Variants in EYA2 observed in about 807,000 individuals in gnomAD.
EYA2 encodes EYA transcriptional coactivator and phosphatase 2, also known as protein phosphatase EYA2.
EYA2 carries 31 observed loss-of-function variants against 69.2 expected under a neutral mutation model. The ratio of observed to expected loss-of-function variants is 0.45; its 90% CI spans 0.34 to 0.60. The LOEUF is 0.60. Ranked by LOEUF, EYA2 falls within the 20% of genes least tolerant of loss-of-function variation. The probability of loss-of-function intolerance (pLI) is 0.02; values close to 1 mark genes in which losing one functional copy is unlikely to be tolerated. For synonymous variants in EYA2, 257 were observed against 279.4 expected, an observed-to-expected ratio of 0.92 and a Z score of 0.80; for missense variants, 622 against 701.2, an observed-to-expected ratio of 0.89 and a Z score of 1.28.
chr20:46,957,036 TG>T (rs1346005005), intron 1 of EYA2, among the ~76,000 whole-genome samples: 2 of 152,154 alleles, frequency 1.3e-5, no homozygotes, highest in African/African-American at 2.4e-5. Flanking sequence ...GAGATTTGGG[TG>T]GGGACACAGA....
intron 1 of EYA2, among the ~76,000 whole-genome samples, chr20:46,913,090 C>T (rs930601836): frequency 2.6e-5 from 4 of 152,224 alleles, no homozygotes; most frequent in African/African-American, 7.2e-5. Context: ...GTAGCCTCTG[C>T]CACTTACAGT....
intron 2 of EYA2, among the ~76,000 whole-genome samples, chr20:46,993,933 C>A (rs902353553): frequency 3.3e-5 from 5 of 152,094 alleles, no homozygotes; most frequent in African/African-American, 7.2e-5. Flanking sequence ...GCAGTGTGCT[C>A]AAAAAACTTT....
chr20:47,158,115 A>G (rs920471043), intron 10 of EYA2, among the ~76,000 whole-genome samples: 2 of 151,998 alleles, frequency 1.3e-5, no homozygotes, highest in Non-Finnish European at 2.9e-5. Context: ...ACTGGTGAAA[A>G]GAGGGGTCTG....
chr20:47,114,495 A>G (rs2032838925), intron 9 of EYA2, among the ~76,000 whole-genome samples: 1 of 152,172 alleles, frequency 6.6e-6, no homozygotes, highest in South Asian at 2.1e-4. Flanking sequence ...TGCGCCTGTA[A>G]TCCCAGCTAC....
In EYA2 at chr20:47,016,313, TG is replaced by T; in HGVS notation, c.415+18del. On this transcript the variant is annotated intron_variant, in intron 5 of 15. Transcript: ENST00000327619. Reference sequence around the variant, plus strand: ...CAGATGCACGGTCAGTGTGGCGCTGTGGCCCCTTCCTGCCCATCTCTAAGGA... The same window carrying T: ...CAGATGCACGGTCAGTGTGGCGCTGTGCCCCTTCCTGCCCATCTCTAAGGA... 1 of 1,598,066 alleles carries T rather than the reference TG, an allele frequency of 6.3e-7. No homozygotes were observed. The highest frequency in any genetic ancestry group is 8.6e-7 in the Non-Finnish European group (1 of 1,165,310).
intron 8 of EYA2, chr20:47,095,922 G>C (rs1446065669): frequency 6.6e-6 from 1 of 152,230 alleles, no homozygotes; most frequent in Admixed American, 6.5e-5. Context: ...ATGAAGGGAA[G>C]TCTGCAGCAA....
At chr20:47,047,273 C>T (rs2030089311) in intron 5 of EYA2, among the ~76,000 whole-genome samples, 1 of 152,134 alleles carries the variant, frequency 6.6e-6, no homozygotes, top group Non-Finnish European at 1.5e-5. Flanking sequence ...TCTGAGACTC[C>T]TAGGCGAGGG....
Position 47,087,466 on chromosome 20 carries a change from C to G in EYA2, c.662-1773C>G, listed in dbSNP as rs138525040. Reference sequence around the variant, plus strand: ...ACAAGGACAGGTCCAAATTTTAGTTCTGGCTTTGCCACTCATTTGCAGACT... The same window carrying G: ...ACAAGGACAGGTCCAAATTTTAGTTGTGGCTTTGCCACTCATTTGCAGACT... On this transcript the variant is annotated intron_variant, in intron 7 of 15. Transcript: ENST00000327619. Among the ~76,000 whole-genome samples the G allele has an allele frequency of 1.4e-3, 213 of 152,356 alleles. 2 individuals are homozygous for G. The highest frequency in any genetic ancestry group is 2.8e-3 in the Non-Finnish European group (190 of 68,030).
At chr20:47,137,420 G>T (rs898823882) in intron 9 of EYA2, among the ~76,000 whole-genome samples, 2 of 152,184 alleles carry the variant, frequency 1.3e-5, no homozygotes, top group African/African-American at 4.8e-5. Context: ...GCTTCCACAC[G>T]TGCTGTCTGA....
chr20:46,947,151 G>T (rs1978508922), intron 1 of EYA2, among the ~76,000 whole-genome samples: 1 of 152,170 alleles, frequency 6.6e-6, no homozygotes, highest in East Asian at 1.9e-4. Context: ...TTGAGGAATG[G>T]CTGGCTGAGA....
At chr20:47,114,659 TGAGA>T (rs1292268753) in intron 9 of EYA2, among the ~76,000 whole-genome samples, 1 of 152,168 alleles carries the variant, frequency 6.6e-6, no homozygotes, top group Non-Finnish European at 1.5e-5. Context: ...TCAAAGACAC[TGAGA>T]GAGTTTGGAT....
intron 5 of EYA2, among the ~76,000 whole-genome samples, chr20:47,052,994 G>A (rs1438972981): frequency 1.3e-5 from 2 of 152,078 alleles, no homozygotes; most frequent in Admixed American, 6.6e-5. Context: ...TCCCCTATGT[G>A]GTCCTGGAAG....
chr20:46,984,658 T>C (rs1981067491), intron 1 of EYA2, among the ~76,000 whole-genome samples: 1 of 152,226 alleles, frequency 6.6e-6, no homozygotes, highest in Admixed American at 6.5e-5. Flanking sequence ...ACAGGAGTTA[T>C]GAAGAACAGT....
At chr20:47,071,972 G>C in intron 5 of EYA2, 4 of 588,420 alleles carry the variant, frequency 6.8e-6, no homozygotes, top group Non-Finnish European at 1.2e-5. Flanking sequence ...GGTGATGCTG[G>C]TGGTAGGCGT....
At chr20:46,948,950 T>C (rs1401589196) in intron 1 of EYA2, among the ~76,000 whole-genome samples, 1 of 152,234 alleles carries the variant, frequency 6.6e-6, no homozygotes, top group Admixed American at 6.5e-5. Context: ...GGAAAATACA[T>C]GCACTATCTC....
chr20:46,943,867 C>T (rs1323902070), intron 1 of EYA2, among the ~76,000 whole-genome samples: 1 of 152,164 alleles, frequency 6.6e-6, no homozygotes, highest in African/African-American at 2.4e-5. Context: ...TGGCTTGAAA[C>T]CCTTTGCACA....
chr20:46,966,072 G>A (rs6066138), intron 1 of EYA2, among the ~76,000 whole-genome samples: 33,018 of 152,172 alleles, frequency 0.22, 3,899 homozygotes, highest in Non-Finnish European at 0.27. Context: ...TTAAAATGCA[G>A]CATGAGTATA....
intron 2 of EYA2, among the ~76,000 whole-genome samples, chr20:46,992,291 G>A (rs957805051): frequency 3.9e-5 from 6 of 152,098 alleles, no homozygotes; most frequent in African/African-American, 7.2e-5. Flanking sequence ...TTTTACAGAC[G>A]AGGAAACCAA....
At chr20:47,153,859 C>T (rs1015353956) in intron 10 of EYA2, among the ~76,000 whole-genome samples, 1 of 151,938 alleles carries the variant, frequency 6.6e-6, no homozygotes, top group Non-Finnish European at 1.5e-5. Flanking sequence ...GCTCTAAGAC[C>T]TTGAAGGAGG....
Sources: gnomAD v4.1 joint callset for allele counts (sites outside exome capture counted in the v4.1 genomes callset) on GRCh38, gnomAD v4.1.1 for gene constraint, MANE v1.5 for transcripts, NCBI Gene and HGNC (gene_info 2026-07-23, HGNC 2026-07-21) for gene names.